Variants in THAP6 observed in about 807,000 individuals in gnomAD.
THAP6 encodes the protein THAP domain containing 6, also known as THAP domain-containing protein 6.
THAP6 carries 13 observed loss-of-function variants against 20.0 expected under a neutral mutation model. The ratio of observed to expected loss-of-function variants is 0.65; its 90% CI spans 0.42 to 1.03. The LOEUF is 1.03. Ranked by LOEUF, THAP6 falls within the 50% of genes least tolerant of loss-of-function variation. THAP6 has a pLI of 0.00. For missense variants in THAP6, 262 were observed against 261.6 expected, an observed-to-expected ratio of 1.00 and a Z score of -0.01; for synonymous variants, 93 against 92.2, an observed-to-expected ratio of 1.01 and a Z score of -0.05.
intron 4 of THAP6, among the ~76,000 whole-genome samples, chr4:75,524,413 G>T (rs1726235100): frequency 1.3e-5 from 2 of 152,044 alleles, no homozygotes; most frequent in African/African-American, 4.8e-5. Flanking sequence ...TCATTCCTTT[G>T]TGTCAGTCCA....
exon 3 of THAP6, chr4:75,542,447 A>G (rs1274100786): frequency 2.8e-6 from 2 of 702,428 alleles, no homozygotes; most frequent in Non-Finnish European, 5.2e-6. Context: ...TCAAGGCAAA[A>G]AATTATTTCT....
chr4:75,518,590 G>C (rs538397289), intron 3 of THAP6, among the ~76,000 whole-genome samples: 1 of 152,168 alleles, frequency 6.6e-6, no homozygotes, highest in African/African-American at 2.4e-5. Flanking sequence ...GAGGCCCAGA[G>C]AACTAGAATG....
At chr4:75,542,552 G>C (rs1306738704) in intron 3 of THAP6, 1 of 671,770 alleles carries the variant, frequency 1.5e-6, no homozygotes, top group Non-Finnish European at 2.7e-6. Context: ...AACCCTATAA[G>C]GTAGGTACTA....
In THAP6 at chr4:75,521,923, A is replaced by G. The variant is rs187994597; in HGVS notation, c.414+62A>G. Reference sequence around the variant, plus strand: ...TTAAGATGAATATGTCCTCTCCATTACAATCAAATTTTTCAGAATCCTAGC... The same window carrying G: ...TTAAGATGAATATGTCCTCTCCATTGCAATCAAATTTTTCAGAATCCTAGC... On this transcript the variant is annotated intron_variant, in intron 4 of 4. Transcript: ENST00000311638. 1.4e-5 allele frequency: 23 copies of G among 1,592,056 alleles called. No individual in the cohort carries two copies. In the East Asian group the frequency reaches 4.9e-4, roughly 34 times the overall value.
intron 3 of THAP6, chr4:75,542,724 T>A (rs1201530443): frequency 2.7e-6 from 1 of 365,342 alleles, no homozygotes; most frequent in African/African-American, 2.1e-5. Context: ...ACTTTTGTTT[T>A]GTTTTGTTTT....
At chr4:75,535,882 G>A (rs1009276607) in intron 2 of THAP6, among the ~76,000 whole-genome samples, 3 of 152,050 alleles carry the variant, frequency 2.0e-5, no homozygotes, top group Non-Finnish European at 4.4e-5. Context: ...CAATCTACCT[G>A]GGTACCTACA....
chr4:75,536,203 G>A (rs1342046005), intron 2 of THAP6, among the ~76,000 whole-genome samples: 4 of 152,190 alleles, frequency 2.6e-5, no homozygotes, highest in South Asian at 2.1e-4. Context: ...AGTGGTTCAC[G>A]CCTGTAATCC....
Position 75,521,924 on chromosome 4 carries a change from C to T in THAP6, c.414+63C>T, listed in dbSNP as rs752921044. The stretch of plus-strand genomic sequence containing the variant: ...TAAGATGAATATGTCCTCTCCATTA[C>T]AATCAAATTTTTCAGAATCCTAGCA... On this transcript the variant is annotated intron_variant, in intron 4 of 4. Coordinates refer to ENST00000311638, the MANE Select transcript of THAP6 (RefSeq NM_144721.6). The T allele has an allele frequency of 9.4e-5, 150 of 1,591,342 alleles. 2 individuals are homozygous for T. The South Asian group carries it at 1.4e-3, about 15-fold the overall frequency.
At chr4:75,543,477 C>T (rs1202842172) in intron 3 of THAP6, among the ~76,000 whole-genome samples, 2 of 152,180 alleles carry the variant, frequency 1.3e-5, no homozygotes, top group Non-Finnish European at 2.9e-5. Flanking sequence ...ACTTCAAGTC[C>T]AAAGACAAAA....
chr4:75,537,159 A>G (rs977365744), intron 2 of THAP6, among the ~76,000 whole-genome samples: 1 of 152,212 alleles, frequency 6.6e-6, no homozygotes, highest in African/African-American at 2.4e-5. Context: ...TCCTGCAGGG[A>G]GAAGAACGTG....
chr4:75,528,625 T>G lies in THAP6; in HGVS notation c.*1411T>G. On this transcript the variant is annotated 3_prime_UTR_variant, in exon 5 of 5. Transcript: ENST00000311638. ...TTTCTGTTTTAATGCATGTTATACT[T>G]TTATGTAGGATTCCAAACCTTCCCT... 1.0e-6 allele frequency: 1 copy of G among 985,096 alleles called. No homozygotes were observed. Among genetic ancestry groups the G allele is most frequent in the Non-Finnish European group, 1.2e-6 (1 of 829,624 alleles). 61.0% of individuals were successfully genotyped at this position (985,096 alleles called of 1,614,324 possible).
chr4:75,540,121 G>A lies in THAP6; in HGVS notation c.166-2288G>A, dbSNP rs202187600. Among the ~76,000 whole-genome samples, 12 of 152,030 alleles carry A rather than the reference G, an allele frequency of 7.9e-5. No homozygotes were observed. In the East Asian group the frequency reaches 1.2e-3, roughly 15 times the overall value. On this transcript the variant is annotated intron_variant, in intron 2 of 4. Transcript: ENST00000502620. The stretch of plus-strand genomic sequence containing the variant: ...ATTTAATCTATCTTAGATATGTTTC[G>A]TTCATTCACCCGTTCATTCAACTTT...
At chr4:75,518,356 G>A (rs1391782933) in intron 3 of THAP6, among the ~76,000 whole-genome samples, 2 of 152,120 alleles carry the variant, frequency 1.3e-5, no homozygotes, top group Non-Finnish European at 2.9e-5. Flanking sequence ...CTGTATCTTT[G>A]TAATTATCCG....
In THAP6 at chr4:75,529,664, C is replaced by T. The variant is rs2148825070; in HGVS notation, c.*2450C>T. 1 of 985,456 alleles carries T rather than the reference C, an allele frequency of 1.0e-6. No homozygotes were observed. Among genetic ancestry groups the T allele is most frequent in the South Asian group, 4.7e-5 (1 of 21,284 alleles). 61.0% of individuals were successfully genotyped at this position (985,456 alleles called of 1,614,324 possible). A position where few individuals can be genotyped will look rare whatever the true frequency, so the allele number is the denominator to read the frequency against. On this transcript the variant is annotated 3_prime_UTR_variant, in exon 5 of 5. Transcript: ENST00000311638. ...GGCCTGTGTAAAGCAAAACCCAAGT[C>T]ATCCCCCTCCAGAAATTTCTCTGGC...
downstream of THAP6, among the ~76,000 whole-genome samples, chr4:75,533,011 A>G (rs889953345): frequency 6.6e-6 from 1 of 152,090 alleles, no homozygotes; most frequent in Non-Finnish European, 1.5e-5. Context: ...CTCATTACTT[A>G]CGCAAGTTTC....
chr4:75,516,717 C>A (rs1725671940), intron 2 of THAP6, 55 bp from the exon 3 acceptor site: 2 of 1,486,962 alleles, frequency 1.3e-6, no homozygotes, highest in African/African-American at 2.8e-5. Context: ...AGCTTTAATT[C>A]AATTATATAG....
chr4:75,521,131 AT>A (rs36043887), intron 3 of THAP6, among the ~76,000 whole-genome samples: 11 of 147,258 alleles, frequency 7.5e-5, no homozygotes, highest in African/African-American at 1.7e-4. Flanking sequence ...GCATGGGTTT[AT>A]TTTTTTTTTG....
intron 3 of THAP6, among the ~76,000 whole-genome samples, chr4:75,518,918 C>T (rs1235866734): frequency 6.6e-6 from 1 of 152,054 alleles, no homozygotes; most frequent in Non-Finnish European, 1.5e-5. Flanking sequence ...TTTAACTAAA[C>T]TTTATGTTGA....
chr4:75,535,811 A>G (rs772172295), intron 2 of THAP6, among the ~76,000 whole-genome samples: 4 of 152,222 alleles, frequency 2.6e-5, no homozygotes, highest in Non-Finnish European at 4.4e-5. Flanking sequence ...ATGAGCTGGT[A>G]TAATACCAGG....
Sources: allele counts gnomAD v4.1 joint callset (sites outside exome capture counted in the v4.1 genomes callset), GRCh38; gene constraint gnomAD v4.1.1; transcripts MANE v1.5; gene names NCBI Gene and HGNC (gene_info 2026-07-23, HGNC 2026-07-21).